Variants in LMO7 observed in about 807,000 individuals in gnomAD.
LMO7 encodes the protein LIM domain only protein 7.
A neutral mutation model predicts 206.5 loss-of-function variants in LMO7; 120 were observed. That is an observed-to-expected ratio of 0.58 (90% CI 0.50 to 0.68). The LOEUF is 0.68. Ranked by LOEUF, LMO7 falls within the 30% of genes least tolerant of loss-of-function variation. The pLI is 0.00. For missense variants in LMO7, 1,959 were observed against 1,957.9 expected, an observed-to-expected ratio of 1.00 and a Z score of -0.01; for synonymous variants, 706 against 681.5, an observed-to-expected ratio of 1.04 and a Z score of -0.56.
At chr13:75,624,330 C>G (rs890919887) in intron 2 of LMO7, among the ~76,000 whole-genome samples, 1 of 152,190 alleles carries the variant, frequency 6.6e-6, no homozygotes, top group Non-Finnish European at 1.5e-5. Context: ...ACATTAGATG[C>G]TTTGCAGCTT....
At chr13:75,824,551 T>G (rs1013868957) in intron 15 of LMO7, among the ~76,000 whole-genome samples, 21 of 152,294 alleles carry the variant, frequency 1.4e-4, no homozygotes, top group African/African-American at 4.6e-4. Context: ...AATAGATGAC[T>G]TCTAAGAGAA....
At chr13:75,691,957 A>G (rs953167751) in intron 1 of LMO7, among the ~76,000 whole-genome samples, 1 of 151,928 alleles carries the variant, frequency 6.6e-6, no homozygotes, top group Non-Finnish European at 1.5e-5. Flanking sequence ...TTCTACTCCA[A>G]CCACTTTCTT....
At chr13:75,746,273 T>C (rs1469494749) in intron 3 of LMO7, among the ~76,000 whole-genome samples, 1 of 152,052 alleles carries the variant, frequency 6.6e-6, no homozygotes, top group Non-Finnish European at 1.5e-5. Context: ...TTGGTAAATA[T>C]ATATATATAA....
chr13:75,780,748 A>T (rs764664301), intron 4 of LMO7, among the ~76,000 whole-genome samples: 14 of 152,218 alleles, frequency 9.2e-5, no homozygotes, highest in Non-Finnish European at 1.9e-4. Flanking sequence ...TGCAGTAAAG[A>T]CAGGTGTAAG....
At chr13:75,673,421 A>G (rs563928416) in intron 1 of LMO7, among the ~76,000 whole-genome samples, 2 of 152,252 alleles carry the variant, frequency 1.3e-5, no homozygotes, top group Non-Finnish European at 2.9e-5. Flanking sequence ...CTTGCCGGTA[A>G]AGAGGGACAG....
At chr13:75,708,099 G>A (rs183088710) in intron 1 of LMO7, among the ~76,000 whole-genome samples, 82 of 152,288 alleles carry the variant, frequency 5.4e-4, no homozygotes, top group Middle Eastern at 3.4e-3. Flanking sequence ...CAGGGTTGAT[G>A]CATATAAGGA....
intron 29 of LMO7, among the ~76,000 whole-genome samples, chr13:75,856,087 G>A (rs1438727340): frequency 6.6e-6 from 1 of 152,148 alleles, no homozygotes; most frequent in African/African-American, 2.4e-5. Context: ...CGCTGTGTGG[G>A]AACACTTGCT....
At chr13:75,773,712 A>G (rs76360193) in intron 4 of LMO7, among the ~76,000 whole-genome samples, 1,792 of 152,294 alleles carry the variant, frequency 0.012, 27 homozygotes, top group African/African-American at 0.041. Flanking sequence ...TTTTTGACAC[A>G]TTGTGTTGGA....
In LMO7 at chr13:75,796,659, G is replaced by A. The variant is rs1294145804; in HGVS notation, c.372G>A (p.Leu124=). The A allele has an allele frequency of 1.2e-6, 2 of 1,611,526 alleles. No homozygotes were observed. The highest frequency in any genetic ancestry group is 2.2e-5 in the East Asian group (1 of 44,826). The change falls in exon 6 of 31, where the codon CTG becomes CTA. Residue 124 remains leucine, a synonymous_variant. Coordinates refer to ENST00000377534, the MANE Select transcript of LMO7 (RefSeq NM_001306080.2). ...VKNVLITLYW[L]GRKAQSNPYY... is the part of the protein sequence containing the mutation. ...AGGTTTTGATAACATTGTACTGGCT[G>A]GGAAGAAAAGCACAAAGCAACCCGT...
chr13:75,829,731 A>G (rs2058477681), intron 15 of LMO7, among the ~76,000 whole-genome samples: 1 of 151,792 alleles, frequency 6.6e-6, no homozygotes, highest in African/African-American at 2.4e-5. Flanking sequence ...CTATGTTGAC[A>G]TGAAAATCTT....
At chr13:75,820,797 A>C (rs1176767088) in intron 13 of LMO7, among the ~76,000 whole-genome samples, 5 of 152,146 alleles carry the variant, frequency 3.3e-5, no homozygotes, top group African/African-American at 1.2e-4. Flanking sequence ...GTTCGAGATC[A>C]GCTTGGCCAA....
intron 27 of LMO7, among the ~76,000 whole-genome samples, chr13:75,850,705 C>G (rs576182833): frequency 1.6e-4 from 25 of 152,228 alleles, no homozygotes; most frequent in African/African-American, 5.5e-4. Context: ...GACACTTGAG[C>G]AGCTGTAATC....
At chr13:75,796,377 T>C (rs1243892477) in intron 5 of LMO7, among the ~76,000 whole-genome samples, 1 of 152,228 alleles carries the variant, frequency 6.6e-6, no homozygotes, top group Non-Finnish European at 1.5e-5. Flanking sequence ...TCTTCGTATA[T>C]ACTAGTAGAG....
At chr13:75,814,666 C>A (rs1200785694) in intron 11 of LMO7, among the ~76,000 whole-genome samples, 1 of 152,098 alleles carries the variant, frequency 6.6e-6, no homozygotes, top group Non-Finnish European at 1.5e-5. Flanking sequence ...CAGGGCAAGG[C>A]AAGTGATAGG....
At chr13:75,663,324 G>T (rs1157990193) in intron 1 of LMO7, among the ~76,000 whole-genome samples, 1 of 150,912 alleles carries the variant, frequency 6.6e-6, no homozygotes, top group Non-Finnish European at 1.5e-5. Flanking sequence ...AGGTGCCTCA[G>T]ATTTTTTTAA....
intron 3 of LMO7, among the ~76,000 whole-genome samples, chr13:75,745,895 T>C (rs924405918): frequency 6.6e-6 from 1 of 152,220 alleles, no homozygotes; most frequent in Non-Finnish European, 1.5e-5. Flanking sequence ...GAGAGTGAAC[T>C]ATACCATCAG....
chr13:75,726,495 T>C (rs940957380), intron 2 of LMO7, among the ~76,000 whole-genome samples: 1 of 151,988 alleles, frequency 6.6e-6, no homozygotes, highest in Non-Finnish European at 1.5e-5. Flanking sequence ...TCTGCTGCGG[T>C]AATAAAGCAA....
intron 4 of LMO7, among the ~76,000 whole-genome samples, chr13:75,770,130 C>CAT (rs1368132546): frequency 1.3e-5 from 2 of 151,702 alleles, no homozygotes; most frequent in Non-Finnish European, 2.9e-5. Context: ...CACAGAATGA[C>CAT]ATGCCAGATC....
chr13:75,762,789 T>G (rs1165012939), intron 4 of LMO7, among the ~76,000 whole-genome samples: 2 of 152,138 alleles, frequency 1.3e-5, no homozygotes, highest in African/African-American at 2.4e-5. Context: ...GTGGGAACCT[T>G]GACTTCACTT....
Sources: gnomAD v4.1 joint callset for allele counts (sites outside exome capture counted in the v4.1 genomes callset) on GRCh38, gnomAD v4.1.1 for gene constraint, MANE v1.5 for transcripts, NCBI Gene and HGNC (gene_info 2026-07-23, HGNC 2026-07-21) for gene names.